TBC1D12: variants seen among roughly 807,000 people sequenced by gnomAD.
TBC1D12 encodes TBC1 domain family member 12.
Under a neutral mutation model 86.7 loss-of-function variants are expected in TBC1D12, and 56 were observed. That is an observed-to-expected ratio of 0.65 (90% CI 0.52 to 0.81). The LOEUF (loss-of-function observed/expected upper bound fraction) is 0.81, where lower values mean the gene tolerates loss of function less well. TBC1D12 is among the 30% of genes least tolerant of loss of function. The pLI is 0.00. For missense variants in TBC1D12, 1,023 were observed against 1,038.8 expected, an observed-to-expected ratio of 0.98 and a Z score of 0.21; for synonymous variants, 421 against 411.7, an observed-to-expected ratio of 1.02 and a Z score of -0.27.
At chr10:94,511,355 C>T (rs548540106) in intron 8 of TBC1D12, among the ~76,000 whole-genome samples, 1 of 152,044 alleles carries the variant, frequency 6.6e-6, no homozygotes, top group South Asian at 2.1e-4. Context: ...ATCTCGACCT[C>T]CTAAAGTGCT....
intron 1 of TBC1D12, among the ~76,000 whole-genome samples, chr10:94,435,637 T>G (rs1312935202): frequency 1.3e-5 from 2 of 152,204 alleles, no homozygotes; most frequent in East Asian, 3.8e-4. Context: ...TCCTCTAAAT[T>G]TATGTCTTTT....
chr10:94,476,929 C>A (rs1267191581), intron 3 of TBC1D12, among the ~76,000 whole-genome samples: 1 of 152,106 alleles, frequency 6.6e-6, no homozygotes, highest in Non-Finnish European at 1.5e-5. Context: ...TTGGTGATTT[C>A]TTCAGCCTTC....
chr10:94,495,345 A>AT (rs1180094674), intron 4 of TBC1D12, among the ~76,000 whole-genome samples: 1 of 151,688 alleles, frequency 6.6e-6, no homozygotes, highest in East Asian at 2.0e-4. Flanking sequence ...TTTAGAAGTT[A>AT]TTTTGTAGAG....
intron 1 of TBC1D12, among the ~76,000 whole-genome samples, chr10:94,432,145 TGTCTGTCTGTCG>T (rs2055226018): frequency 6.6e-6 from 1 of 152,140 alleles, no homozygotes; most frequent in African/African-American, 2.4e-5. Context: ...TGAGTGTGTG[TGTCTGTCTGTCG>T]GTCTGTCTTT....
At chr10:94,465,686 G>A (rs889025751) in intron 2 of TBC1D12, among the ~76,000 whole-genome samples, 1 of 131,396 alleles carries the variant, frequency 7.6e-6, no homozygotes, top group Non-Finnish European at 1.7e-5. Context: ...GTGTGTGTGT[G>A]TGTGTGTGTG....
chr10:94,420,454 C>G (rs950207480), intron 1 of TBC1D12, among the ~76,000 whole-genome samples: 3 of 152,192 alleles, frequency 2.0e-5, no homozygotes, highest in African/African-American at 7.2e-5. Flanking sequence ...TGTTGTACAG[C>G]TAGCACCACT....
intron 1 of TBC1D12, among the ~76,000 whole-genome samples, chr10:94,404,369 G>T (rs1196018760): frequency 6.6e-6 from 1 of 152,088 alleles, no homozygotes; most frequent in Non-Finnish European, 1.5e-5. Flanking sequence ...TTATGGGCCG[G>T]GCGCGGTGGC....
At position 94,533,243 on chromosome 10, in the gene TBC1D12, C is replaced by A. The variant is rs1842473819; in HGVS notation, c.*147C>A. 8 of 502,412 alleles carry A rather than the reference C, an allele frequency of 1.6e-5. No individual in the cohort carries two copies. The highest frequency in any genetic ancestry group is 2.8e-5 in the Non-Finnish European group (8 of 289,276). The allele number at this position is 502,412 out of a possible 1,614,324, so 31.1% of individuals were successfully genotyped here. On this transcript the variant is annotated 3_prime_UTR_variant, in exon 13 of 13. Coordinates refer to ENST00000225235, the MANE Select transcript of TBC1D12 (RefSeq NM_015188.2). ...AAACTGCTGATTTTACATTTTATGG[C>A]TGAAGTAAATGAAATAAGTAACTTA...
chr10:94,467,798 G>A (rs996627974), intron 2 of TBC1D12, among the ~76,000 whole-genome samples: 1 of 152,108 alleles, frequency 6.6e-6, no homozygotes, highest in Non-Finnish European at 1.5e-5. Context: ...TGAGCTCATA[G>A]CTCCCCACTC....
intron 2 of TBC1D12, among the ~76,000 whole-genome samples, chr10:94,470,320 A>G (rs2055884854): frequency 6.6e-6 from 1 of 152,240 alleles, no homozygotes; most frequent in East Asian, 1.9e-4. Flanking sequence ...AATAAATAGC[A>G]TATAATCTTA....
chr10:94,498,108 C>T (rs1256336528), intron 5 of TBC1D12, among the ~76,000 whole-genome samples: 6 of 152,228 alleles, frequency 3.9e-5, no homozygotes, highest in African/African-American at 4.8e-5. Context: ...CGTGAGCCAC[C>T]GTGCCCGGCC....
At chr10:94,439,345 C>A (rs768574047) in intron 1 of TBC1D12, among the ~76,000 whole-genome samples, 1 of 151,984 alleles carries the variant, frequency 6.6e-6, no homozygotes, top group Non-Finnish European at 1.5e-5. Context: ...AGATAGGAAA[C>A]CTTTAGGGTG....
chr10:94,459,232 C>T (rs563306672), intron 2 of TBC1D12, among the ~76,000 whole-genome samples: 9 of 152,172 alleles, frequency 5.9e-5, no homozygotes, highest in South Asian at 2.1e-4. Context: ...CACAAAAGTT[C>T]GCCAAGTCCC....
intron 1 of TBC1D12, among the ~76,000 whole-genome samples, chr10:94,407,702 G>T (rs1030550702): frequency 6.6e-6 from 1 of 150,674 alleles, no homozygotes. Flanking sequence ...TGAAATGCTA[G>T]ATGGGTACCA....
chr10:94,513,581 G>C (rs772202114), intron 9 of TBC1D12, among the ~76,000 whole-genome samples: 56 of 151,250 alleles, frequency 3.7e-4, no homozygotes, highest in Middle Eastern at 3.4e-3. Flanking sequence ...TTTGAGACAG[G>C]GTCTCACTCT....
At chr10:94,403,614 C>T (rs1304020365) in intron 1 of TBC1D12, 30 bp downstream of exon 1, 1 of 1,410,188 alleles carries the variant, frequency 7.1e-7, no homozygotes, top group East Asian at 2.9e-5. Flanking sequence ...GGACTCGGGG[C>T]GGGTCCGGGG....
intron 11 of TBC1D12, among the ~76,000 whole-genome samples, chr10:94,530,274 AATTACGTGGTCAGAC>A: frequency 6.6e-6 from 1 of 152,290 alleles, no homozygotes; most frequent in Non-Finnish European, 1.5e-5. Context: ...CTGGATAAAG[AATTACGTGGTCAGAC>A]ATTGTCAGAA....
At chr10:94,516,281 C>T (rs1046923169) in intron 9 of TBC1D12, among the ~76,000 whole-genome samples, 5 of 151,862 alleles carry the variant, frequency 3.3e-5, no homozygotes, top group South Asian at 2.1e-4. Flanking sequence ...AAATATTAAA[C>T]GTTTTTTCTA....
At chr10:94,465,076 T>C (rs1374556579) in intron 2 of TBC1D12, among the ~76,000 whole-genome samples, 4 of 152,350 alleles carry the variant, frequency 2.6e-5, no homozygotes, top group South Asian at 2.1e-4. Context: ...ACTCCAAAAT[T>C]CATCAAGTGG....
Sources: allele counts gnomAD v4.1 joint callset (sites outside exome capture counted in the v4.1 genomes callset), GRCh38; gene constraint gnomAD v4.1.1; transcripts MANE v1.5; gene names NCBI Gene and HGNC (gene_info 2026-07-23, HGNC 2026-07-21).